Variants in PCID2 observed in about 807,000 individuals in gnomAD.
PCID2 encodes the protein PCI domain-containing protein 2.
Under a neutral mutation model 61.3 loss-of-function variants are expected in PCID2, and 41 were observed. The observed-to-expected ratio is 0.67, with a 90% CI of 0.52 to 0.87. The LOEUF (loss-of-function observed/expected upper bound fraction) is 0.87. Ranked by LOEUF, PCID2 falls within the 40% of genes least tolerant of loss-of-function variation. PCID2 has a pLI of 0.00. For synonymous variants in PCID2, 187 were observed against 177.8 expected, an observed-to-expected ratio of 1.05 and a Z score of -0.41; for missense variants, 392 against 493.4, an observed-to-expected ratio of 0.79 and a Z score of 1.95.
At chr13:113,195,804 C>G (rs754806942) in intron 5 of PCID2, among the ~76,000 whole-genome samples, 57 of 152,210 alleles carry the variant, frequency 3.7e-4, no homozygotes, top group Non-Finnish European at 6.0e-4. Context: ...AAAAATACCA[C>G]CATTATTATG....
intron 5 of PCID2, among the ~76,000 whole-genome samples, chr13:113,195,838 G>A (rs567729965): frequency 1.3e-5 from 2 of 152,274 alleles, no homozygotes; most frequent in African/African-American, 4.8e-5. Flanking sequence ...CAAATGAACC[G>A]TAGTTGGTCT....
chr13:113,173,384 T>G (rs1384829070), downstream of PCID2, among the ~76,000 whole-genome samples: 3 of 25,058 alleles, frequency 1.2e-4, no homozygotes, highest in Admixed American at 2.4e-3. Flanking sequence ...GTTCACATTT[T>G]AACTCTTAGT....
intron 1 of PCID2, among the ~76,000 whole-genome samples, chr13:113,207,146 C>T (rs756286436): frequency 6.6e-6 from 1 of 152,172 alleles, no homozygotes; most frequent in Non-Finnish European, 1.5e-5. Flanking sequence ...CTTTTGCCAG[C>T]TAAGTTGTAT....
intron 1 of PCID2, among the ~76,000 whole-genome samples, chr13:113,202,846 C>A (rs940201979): frequency 6.6e-6 from 1 of 152,156 alleles, no homozygotes; most frequent in Non-Finnish European, 1.5e-5. Flanking sequence ...AAGTTACTTA[C>A]AACCCCATTC....
At chr13:113,192,731 T>G (rs1046210469) in intron 6 of PCID2, among the ~76,000 whole-genome samples, 2 of 152,190 alleles carry the variant, frequency 1.3e-5, no homozygotes, top group Non-Finnish European at 2.9e-5. Flanking sequence ...TTAACAGTGG[T>G]ATATCAGCAC....
chr13:113,180,236 G>A lies in PCID2; in HGVS notation c.787-5C>T, dbSNP rs2037510502. 3 of 1,607,200 alleles carry A rather than the reference G, an allele frequency of 1.9e-6. No homozygotes were observed. The highest frequency in any genetic ancestry group is 2.7e-5 in the African/African-American group (2 of 74,776). On this transcript the variant is annotated splice_polypyrimidine_tract_variant and splice_region_variant and intron_variant, in intron 10 of 13. Transcript: ENST00000337344. ...CTCCACAGTGGGCATGTGACCCTAA[G>A]AGTCAATTTTCCAGAATGAAAATGC...
chr13:113,177,174 G>A (rs778836520), downstream of PCID2, among the ~76,000 whole-genome samples: 5 of 152,182 alleles, frequency 3.3e-5, no homozygotes, highest in Non-Finnish European at 5.9e-5. Context: ...TTTCGCTCTT[G>A]TTGCCCAGGC....
At chr13:113,196,934 A>G in intron 4 of PCID2, 1 of 1,001,682 alleles carries the variant, frequency 1.0e-6, no homozygotes, top group South Asian at 1.3e-5. Context: ...TCTTCTTCTC[A>G]GCAGAGTAAG....
intron 1 of PCID2, chr13:113,208,339 G>GC: frequency 7.0e-7 from 1 of 1,431,928 alleles, no homozygotes; most frequent in African/African-American, 1.4e-5. Flanking sequence ...TGGGACCGCC[G>GC]CGTCTACTTA....
At chr13:113,186,837 T>C (rs2038158140) in intron 7 of PCID2, 1 of 152,068 alleles carries the variant, frequency 6.6e-6, no homozygotes, top group Non-Finnish European at 1.5e-5. Flanking sequence ...GTTAACAAAA[T>C]GATAAAATCA....
chr13:113,182,690 C>T (rs1291353591), intron 9 of PCID2, among the ~76,000 whole-genome samples: 3 of 152,008 alleles, frequency 2.0e-5, no homozygotes, highest in African/African-American at 2.4e-5. Context: ...TTAGTAGAGA[C>T]GGGGTTTCAC....
chr13:113,197,194 G>A lies in PCID2; in HGVS notation c.250C>T (p.Gln84Ter). Residue 84 changes from glutamine to a stop codon, truncating the protein, a stop_gained, in exon 4 of 14, where the codon CAG becomes TAG. Coordinates refer to ENST00000337344, the MANE Select transcript of PCID2 (RefSeq NM_001127202.4). LOFTEE classifies it high-confidence loss of function. Reference sequence around the variant, plus strand: ...AAAGGATATTGGACTATCACGGTCTGGCACTTGTATGCCTCTATGAAGTCA... The same window carrying A: ...AAAGGATATTGGACTATCACGGTCTAGCACTTGTATGCCTCTATGAAGTCA... ...NHDFIEAYKC[Q>*]TVIVQSFLRA... 4.3e-6 allele frequency: 7 copies of A among 1,614,138 alleles called. No individual in the cohort carries two copies. The highest frequency in any genetic ancestry group is 5.9e-6 in the Non-Finnish European group (7 of 1,179,998).
At chr13:113,165,031 CAT>C in the PCID2 span, 2 of 1,612,474 alleles carry the variant, frequency 1.2e-6, no homozygotes, top group African/African-American at 2.7e-5. Flanking sequence ...TTTTTATTCT[CAT>C]GTTGCTGCCG....
chr13:113,183,954 T>A (rs1408989385), intron 9 of PCID2: 2 of 985,234 alleles, frequency 2.0e-6, no homozygotes, highest in African/African-American at 3.5e-5. Flanking sequence ...CCATGCGGGA[T>A]GTGTAGGTCA....
the PCID2 span, chr13:113,172,075 C>T: frequency 6.2e-7 from 1 of 1,613,008 alleles, no homozygotes; most frequent in Non-Finnish European, 8.5e-7. Flanking sequence ...TCTCCAGGTA[C>T]TCACTCTGGT....
chr13:113,208,190 C>T, intron 1 of PCID2: 9 of 1,564,420 alleles, frequency 5.8e-6, no homozygotes, highest in Non-Finnish European at 7.8e-6. Context: ...CTGGAGTCCC[C>T]GAATTCATCC....
chr13:113,184,116 G>T, intron 9 of PCID2: 3 of 651,480 alleles, frequency 4.6e-6, no homozygotes, highest in Non-Finnish European at 5.7e-6. Flanking sequence ...CAGAAACGAT[G>T]TCTGTAATGC....
the PCID2 span, chr13:113,171,677 GA>G: frequency 6.2e-7 from 1 of 1,614,032 alleles, no homozygotes. This position sits in a 1 kb window ranked among gnomAD's most constrained non-coding sequence, Gnocchi z 5.1. Flanking sequence ...GGACGCGGGG[GA>G]GAATGACCTG....
At chr13:113,171,916 G>C in the PCID2 span, 1 of 1,613,774 alleles carries the variant, frequency 6.2e-7, no homozygotes, top group Non-Finnish European at 8.5e-7. This position sits in a 1 kb window ranked among gnomAD's most constrained non-coding sequence, Gnocchi z 5.1. Flanking sequence ...TCACCACCAG[G>C]ACCTACTGTG....
Sources: gnomAD v4.1 joint callset for allele counts (sites outside exome capture counted in the v4.1 genomes callset) on GRCh38, gnomAD v4.1.1 for gene constraint, Gnocchi (gnomAD v3.1) non-coding constraint, MANE v1.5 for transcripts, NCBI Gene and HGNC (gene_info 2026-07-23, HGNC 2026-07-21) for gene names.